HPSE2: variants seen among roughly 807,000 people sequenced by gnomAD.
The protein encoded by HPSE2 is heparanase 2 (inactive), also known as inactive heparanase-2.
A neutral mutation model predicts 60.5 loss-of-function variants in HPSE2; 38 were observed. That is an observed-to-expected ratio of 0.63 (90% CI 0.48 to 0.82). HPSE2 has a LOEUF of 0.82. Ranked by LOEUF, HPSE2 falls within the 40% of genes least tolerant of loss-of-function variation. The pLI is 0.00. For missense variants in HPSE2, 713 were observed against 740.4 expected (o/e 0.96, Z 0.43); for synonymous variants, 295 against 293.2 (o/e 1.01, Z -0.06).
chr10:98,607,100 T>A (rs1454545429), intron 9 of HPSE2, among the ~76,000 whole-genome samples: 1 of 117,610 alleles, frequency 8.5e-6, no homozygotes, highest in African/African-American at 3.2e-5. Context: ...CCTCCCTCTC[T>A]CCCTCCCTCT....
At chr10:99,268,449 C>G in the HPSE2 span, among the ~76,000 whole-genome samples, 1 of 151,922 alleles carries the variant, frequency 6.6e-6, no homozygotes, top group Non-Finnish European at 1.5e-5. Flanking sequence ...CGAGAACAGC[C>G]TGGCCAACAT....
At chr10:99,285,461 G>GGGAA in the HPSE2 span, among the ~76,000 whole-genome samples, 1,567 of 119,574 alleles carry the variant, frequency 0.013, 65 homozygotes, top group East Asian at 0.12. Context: ...ATGAAAGAAA[G>GGGAA]GGAAGGAAGG....
intron 3 of HPSE2, among the ~76,000 whole-genome samples, chr10:98,894,233 C>G (rs988682031): frequency 6.6e-6 from 1 of 151,978 alleles, no homozygotes; most frequent in Admixed American, 6.6e-5. Flanking sequence ...AAATAAGTAA[C>G]AACAGAAAAC....
intron 3 of HPSE2, among the ~76,000 whole-genome samples, chr10:98,754,266 C>G (rs1345884647): frequency 1.3e-5 from 2 of 151,936 alleles, no homozygotes; most frequent in African/African-American, 2.4e-5. Flanking sequence ...TCTCAGAGCT[C>G]GAAGGCTAGT....
chr10:99,062,669 C>T (rs962122944), intron 3 of HPSE2, among the ~76,000 whole-genome samples: 1 of 152,050 alleles, frequency 6.6e-6, no homozygotes, highest in African/African-American at 2.4e-5. Flanking sequence ...TGTCCATAGG[C>T]ACAGCCAATG....
chr10:99,035,495 T>C (rs943129132), intron 3 of HPSE2, among the ~76,000 whole-genome samples: 2 of 152,208 alleles, frequency 1.3e-5, no homozygotes, highest in Non-Finnish European at 2.9e-5. Context: ...TACACTTAGT[T>C]TTCTTTTAAT....
the HPSE2 span, among the ~76,000 whole-genome samples, chr10:99,298,699 G>T: frequency 1.3e-5 from 2 of 148,532 alleles, no homozygotes; most frequent in Non-Finnish European, 1.5e-5. Context: ...TTTTTGAGAC[G>T]GAGTCTCGCT....
chr10:98,832,654 G>A (rs914826488), intron 3 of HPSE2, among the ~76,000 whole-genome samples: 3 of 152,226 alleles, frequency 2.0e-5, no homozygotes, highest in African/African-American at 4.8e-5. Flanking sequence ...TTTAGATAAC[G>A]ACCACTCTTT....
intron 5 of HPSE2, among the ~76,000 whole-genome samples, chr10:98,697,341 A>T (rs1266261402): frequency 6.6e-6 from 1 of 152,244 alleles, no homozygotes; most frequent in Non-Finnish European, 1.5e-5. Flanking sequence ...AAAACACAGC[A>T]TGAGAACGTT....
the HPSE2 span, among the ~76,000 whole-genome samples, chr10:99,313,368 T>A: frequency 2.6e-5 from 4 of 152,134 alleles, no homozygotes; most frequent in Admixed American, 2.6e-4. Context: ...GAACTGGAAT[T>A]AGAAGTGAAG....
intron 9 of HPSE2, among the ~76,000 whole-genome samples, chr10:98,507,889 G>A (rs569884402): frequency 1.4e-4 from 22 of 152,074 alleles, no homozygotes; most frequent in South Asian, 8.3e-4. Context: ...TTAAGGCAAT[G>A]ACATGAAAAT....
At chr10:99,235,991 GTTT>G (rs1171924296), upstream of HPSE2, 14 of 387,374 alleles carry the variant, frequency 3.6e-5, no homozygotes, top group African/African-American at 3.2e-4. Flanking sequence ...CGCTCGTTTT[GTTT>G]TTTTCTTTTT....
chr10:99,180,835 A>G (rs1320025292), intron 2 of HPSE2, among the ~76,000 whole-genome samples: 2 of 134,976 alleles, frequency 1.5e-5, no homozygotes, highest in African/African-American at 5.4e-5. Flanking sequence ...AGTTGCAGTG[A>G]GCCAAGACTG....
intron 3 of HPSE2, among the ~76,000 whole-genome samples, chr10:99,005,651 T>A (rs1166043391): frequency 6.6e-6 from 1 of 152,216 alleles, no homozygotes; most frequent in Admixed American, 6.5e-5. Flanking sequence ...CAGTTCATAA[T>A]CTCTATTTCT....
At chr10:99,101,682 T>C (rs111439843) in intron 3 of HPSE2, among the ~76,000 whole-genome samples, 1 of 152,216 alleles carries the variant, frequency 6.6e-6, no homozygotes, top group Admixed American at 6.5e-5. Context: ...AGAATATACA[T>C]TCTTCTCAGC....
the HPSE2 span, among the ~76,000 whole-genome samples, chr10:99,289,594 T>C: frequency 6.6e-6 from 1 of 152,180 alleles, no homozygotes; most frequent in Admixed American, 6.5e-5. Flanking sequence ...AGTAAAAATA[T>C]TATTTCATAT....
At chr10:98,796,239 G>C (rs1950776932) in intron 3 of HPSE2, among the ~76,000 whole-genome samples, 1 of 152,174 alleles carries the variant, frequency 6.6e-6, no homozygotes, top group Non-Finnish European at 1.5e-5. Flanking sequence ...CTGAGTCCAG[G>C]CCTAGGCTCT....
At chr10:98,964,745 T>C (rs1955771276) in intron 3 of HPSE2, among the ~76,000 whole-genome samples, 1 of 152,190 alleles carries the variant, frequency 6.6e-6, no homozygotes, top group Non-Finnish European at 1.5e-5. Flanking sequence ...ACCTGACTTA[T>C]CTCTCAAGTT....
At position 98,518,859 on chromosome 10, in the gene HPSE2, C is replaced by T. The variant is rs182940482; in HGVS notation, c.1321-28663G>A. Among the ~76,000 whole-genome samples, 3 of 152,252 alleles carry T rather than the reference C, an allele frequency of 2.0e-5. No individual in the cohort carries two copies. The East Asian group carries it at 5.8e-4, about 29-fold the overall frequency. ...CTGATGTTATATTAATAATCATCTTCTGTAAACGCCTGCACAATATGAGCA... is the reference window on the plus strand; with the variant it reads ...CTGATGTTATATTAATAATCATCTTTTGTAAACGCCTGCACAATATGAGCA... On this transcript the variant is annotated intron_variant, in intron 9 of 11. Transcript: ENST00000370552.
Sources: allele counts gnomAD v4.1 joint callset (sites outside exome capture counted in the v4.1 genomes callset), GRCh38; gene constraint gnomAD v4.1.1; transcripts MANE v1.5; gene names NCBI Gene and HGNC (gene_info 2026-07-23, HGNC 2026-07-21).